Variants in JMJD1C observed in about 807,000 individuals in gnomAD.
The protein encoded by JMJD1C is jumonji domain containing 1C.
A neutral mutation model predicts 245.3 loss-of-function variants in JMJD1C; 31 were observed. That is an observed-to-expected ratio of 0.13 (90% CI 0.09 to 0.17). The LOEUF (loss-of-function observed/expected upper bound fraction) is 0.17, where lower values mean the gene tolerates loss of function less well. JMJD1C is among the 10% of genes least tolerant of loss of function. The pLI is 1.00. For synonymous variants in JMJD1C, 1,057 were observed against 1,017.4 expected (o/e 1.04, Z -0.74); for missense variants, 2,691 against 3,000.2 (o/e 0.90, Z 2.41).
At chr10:63,391,793 A>C (rs1948081829) in intron 1 of JMJD1C, among the ~76,000 whole-genome samples, 1 of 152,166 alleles carries the variant, frequency 6.6e-6, no homozygotes, top group Admixed American at 6.5e-5. Context: ...AGAGAAAACA[A>C]TCCTAAAATT....
intron 2 of JMJD1C, among the ~76,000 whole-genome samples, chr10:63,287,962 G>A (rs1858182710): frequency 6.6e-6 from 1 of 152,096 alleles, no homozygotes. Context: ...GACCAGGCTG[G>A]CCTCAATCTC....
intron 1 of JMJD1C, among the ~76,000 whole-genome samples, chr10:63,399,015 G>A (rs375014718): frequency 5.7e-5 from 3 of 52,818 alleles, no homozygotes; most frequent in Admixed American, 1.5e-4. Context: ...TTTCTAAAAA[G>A]AAGAATAAAT....
At chr10:63,299,565 C>T (rs775521203) in intron 2 of JMJD1C, among the ~76,000 whole-genome samples, 3 of 152,054 alleles carry the variant, frequency 2.0e-5, no homozygotes, top group African/African-American at 4.8e-5. Flanking sequence ...AGCTCACCTA[C>T]GGCACAAACA....
intron 2 of JMJD1C, among the ~76,000 whole-genome samples, chr10:63,303,935 A>G (rs893964873): frequency 2.6e-5 from 4 of 152,178 alleles, no homozygotes; most frequent in African/African-American, 9.6e-5. Flanking sequence ...TGATAACAAT[A>G]TAATAGTTTC....
chr10:63,245,038 G>T (rs781542766), intron 3 of JMJD1C, among the ~76,000 whole-genome samples: 6 of 150,038 alleles, frequency 4.0e-5, no homozygotes, highest in Non-Finnish European at 7.4e-5. Flanking sequence ...TCGGGAGGCT[G>T]AGGCATGAGA....
At chr10:63,243,103 T>TTATATATATATATATATATA (rs10607355) in intron 3 of JMJD1C, among the ~76,000 whole-genome samples, 1,934 of 119,372 alleles carry the variant, frequency 0.016, 35 homozygotes, top group African/African-American at 0.028. Flanking sequence ...CTAACATAAA[T>TTATATATATATATATATATA]TATATATATA....
At position 63,394,752 on chromosome 10, in the gene JMJD1C, G is replaced by T. The variant is rs372347264; in HGVS notation, c.169-14270C>A. Among the ~76,000 whole-genome samples the T allele has an allele frequency of 2.0e-5, 3 of 151,996 alleles. No individual in the cohort carries two copies. In the South Asian group the frequency reaches 6.2e-4, roughly 32 times the overall value. On this transcript the variant is annotated intron_variant, in intron 1 of 25. Transcript: ENST00000399262. Reference sequence around the variant, plus strand: ...CCAGCTACTTGGGAGGCTGAGGCAGGAGAATCGCTTGAACCTGGGAGGTGG... The same window carrying T: ...CCAGCTACTTGGGAGGCTGAGGCAGTAGAATCGCTTGAACCTGGGAGGTGG...
At chr10:63,382,934 T>C (rs1427181516) in intron 1 of JMJD1C, 2 of 452,540 alleles carry the variant, frequency 4.4e-6, no homozygotes, top group Non-Finnish European at 8.9e-6. Flanking sequence ...TTACTTTTTT[T>C]ATAGCTTACA....
chr10:63,424,597 C>CG (rs1443433677), intron 1 of JMJD1C, among the ~76,000 whole-genome samples: 5 of 26,488 alleles, frequency 1.9e-4, no homozygotes, highest in Non-Finnish European at 1.2e-3. Flanking sequence ...GCCTCGACCT[C>CG]CTGGGCTCAA....
At chr10:63,225,283 C>G (rs986137199) in intron 3 of JMJD1C, among the ~76,000 whole-genome samples, 5 of 152,060 alleles carry the variant, frequency 3.3e-5, no homozygotes, top group Admixed American at 6.6e-5. Context: ...GTTATAACCT[C>G]CAGCAAACGA....
intron 2 of JMJD1C, among the ~76,000 whole-genome samples, chr10:63,373,202 A>G (rs1465980827): frequency 1.9e-4 from 29 of 152,332 alleles, no homozygotes; most frequent in Middle Eastern, 3.4e-3. Flanking sequence ...AGCCTACAGC[A>G]TTAGAATGGC....
intron 1 of JMJD1C, among the ~76,000 whole-genome samples, chr10:63,396,686 C>T (rs887971233): frequency 1.3e-5 from 2 of 151,828 alleles, no homozygotes; most frequent in Non-Finnish European, 2.9e-5. Context: ...CAGAAACATT[C>T]GTTTCCAGGG....
upstream of JMJD1C, chr10:63,466,005 G>A (rs938125694): frequency 1.7e-4 from 44 of 266,576 alleles, no homozygotes; most frequent in South Asian, 6.6e-4. Context: ...GGGCAGCGGC[G>A]GCGCGCAGCG....
chr10:63,422,526 T>C (rs899924872), intron 1 of JMJD1C, among the ~76,000 whole-genome samples: 3 of 152,262 alleles, frequency 2.0e-5, no homozygotes, highest in Non-Finnish European at 4.4e-5. Context: ...GAATATCTTA[T>C]ATTTTCTACT....
chr10:63,441,832 G>A (rs760421367), intron 1 of JMJD1C, among the ~76,000 whole-genome samples: 20 of 151,810 alleles, frequency 1.3e-4, no homozygotes, highest in African/African-American at 2.2e-4. Context: ...GTTATTCTAC[G>A]GCTATTATAA....
chr10:63,376,226 A>G (rs1003530337), intron 2 of JMJD1C, among the ~76,000 whole-genome samples: 7 of 152,198 alleles, frequency 4.6e-5, no homozygotes, highest in Non-Finnish European at 1.0e-4. Context: ...GAAAAAGTGG[A>G]CATCTACACG....
chr10:63,209,186 T>C lies in JMJD1C; in HGVS notation c.2744A>G (p.Asp915Gly). 1 of 1,613,790 alleles carries C rather than the reference T, an allele frequency of 6.2e-7. No individual in the cohort carries two copies. The highest frequency in any genetic ancestry group is 8.5e-7 in the Non-Finnish European group (1 of 1,179,812). The part of the protein sequence containing the change: ...LHQPTPVTSA[D>G]GIGLLSHIPV... ...AATGTGACTAAGTAATCCAATACCA[T>C]CTGCTGAGGTCACAGGGGTGGGCTG... The change falls in exon 9 of 26, where the codon GAT becomes GGT. Residue 915 changes from aspartate to glycine, a missense_variant. By Grantham distance (94) the Asp-to-Gly change is moderately conservative (BLOSUM62 -1). This residue lies in a region of JMJD1C where 1,562 missense variants were observed against 1,490.7 expected (regional missense o/e 1.05). Transcript: ENST00000399262.
intron 1 of JMJD1C, among the ~76,000 whole-genome samples, chr10:63,502,800 C>T (rs943280118): frequency 2.0e-5 from 3 of 152,072 alleles, no homozygotes; most frequent in African/African-American, 7.2e-5. Flanking sequence ...CAGGGTCTCA[C>T]TCTAACTTGG....
At chr10:63,342,014 C>T (rs1943428423) in intron 2 of JMJD1C, among the ~76,000 whole-genome samples, 1 of 152,144 alleles carries the variant, frequency 6.6e-6, no homozygotes, top group African/African-American at 2.4e-5. Context: ...TGATGGTGAA[C>T]AAATGGTGAC....
Sources: gnomAD v4.1 joint callset for allele counts (sites outside exome capture counted in the v4.1 genomes callset) on GRCh38, gnomAD v4.1.1 for gene constraint, gnomAD v4.1.1 regional missense constraint, MANE v1.5 for transcripts, NCBI Gene and HGNC (gene_info 2026-07-23, HGNC 2026-07-21) for gene names.